The following WWC1 variants were observed in gnomAD, a reference collection of about 807,000 sequenced individuals.
WWC1 encodes the protein WW and C2 domain containing 1.
In WWC1, 55 loss-of-function variants were observed where a neutral mutation model predicts 138.4. The ratio of observed to expected loss-of-function variants is 0.40; its 90% CI spans 0.32 to 0.50. The LOEUF (loss-of-function observed/expected upper bound fraction) is 0.50, where lower values mean the gene tolerates loss of function less well. WWC1 is among the 20% of genes least tolerant of loss of function. The pLI is 0.72. For missense variants in WWC1, 1,226 were observed against 1,420.4 expected (o/e 0.86, Z 2.20); for synonymous variants, 524 against 564.9 (o/e 0.93, Z 1.03).
intron 1 of WWC1, among the ~76,000 whole-genome samples, chr5:168,347,471 G>T (rs554932485): frequency 6.6e-6 from 1 of 152,160 alleles, no homozygotes; most frequent in Non-Finnish European, 1.5e-5. Context: ...TGGACCTTTC[G>T]TTGAGATGCT....
In WWC1 at chr5:168,470,235, T is replaced by A. The variant is rs1757614865; in HGVS notation, c.*1218T>A. On this transcript the variant is annotated 3_prime_UTR_variant, in exon 23 of 23. Transcript: ENST00000265293. ...CTCCTTCCTCTCTGACATTACCCTG[T>A]GCAACTTTTCTCAAAGTCTGTTGCA... 1 of 152,234 alleles carries A rather than the reference T, an allele frequency of 6.6e-6. No homozygotes were observed. Among genetic ancestry groups the A allele is most frequent in the African/African-American group, 2.4e-5 (1 of 41,456 alleles). 9.4% of individuals were successfully genotyped at this position (152,234 alleles called of 1,614,324 possible).
At chr5:168,316,431 T>G (rs1030065690) in intron 1 of WWC1, among the ~76,000 whole-genome samples, 2 of 152,124 alleles carry the variant, frequency 1.3e-5, no homozygotes, top group African/African-American at 4.8e-5. Context: ...TCTGCATGTA[T>G]GTGAGGGCTG....
chr5:168,407,867 C>T (rs1779919174), intron 6 of WWC1, among the ~76,000 whole-genome samples: 1 of 150,966 alleles, frequency 6.6e-6, no homozygotes, highest in African/African-American at 2.5e-5. Context: ...ATTCTTCCCC[C>T]CTTTTTTTTT....
At chr5:168,352,541 C>G (rs972893627) in intron 1 of WWC1, among the ~76,000 whole-genome samples, 1 of 151,842 alleles carries the variant, frequency 6.6e-6, no homozygotes, top group African/African-American at 2.4e-5. Flanking sequence ...GACTTGACCT[C>G]TCCATGCCTT....
intron 8 of WWC1, among the ~76,000 whole-genome samples, chr5:168,410,777 T>C (rs1193193234): frequency 6.6e-6 from 1 of 152,122 alleles, no homozygotes; most frequent in African/African-American, 2.4e-5. Context: ...CATCTTCTCA[T>C]TTAATTTTAA....
At chr5:168,462,060 A>C (rs1415181230) in intron 20 of WWC1, among the ~76,000 whole-genome samples, 2 of 132,902 alleles carry the variant, frequency 1.5e-5, no homozygotes, top group African/African-American at 5.0e-5. Flanking sequence ...CATCTCAAAA[A>C]AAAAAAAGAA....
chr5:168,378,109 A>G (rs1041425841), intron 2 of WWC1, among the ~76,000 whole-genome samples: 1 of 152,206 alleles, frequency 6.6e-6, no homozygotes, highest in Non-Finnish European at 1.5e-5. Flanking sequence ...AAAAGAAAAA[A>G]TCATGTCCTT....
intron 17 of WWC1, among the ~76,000 whole-genome samples, chr5:168,445,125 C>T (rs1266820299): frequency 6.6e-6 from 1 of 151,558 alleles, no homozygotes; most frequent in African/African-American, 2.4e-5. Context: ...ACCAGCCTGA[C>T]CAACATGTTG....
At position 168,377,743 on chromosome 5, in the gene WWC1, C is replaced by T. The variant is rs371051609; in HGVS notation, c.229+6210C>T. Among the ~76,000 whole-genome samples the T allele has an allele frequency of 1.1e-4, 17 of 152,318 alleles. No homozygotes were observed. In the East Asian group the frequency reaches 2.7e-3, roughly 24 times the overall value. ...AACCACAGCGAGATACCATCTCACACCAGTCAGAATGGCTGTTATTAAAGA... is the reference window on the plus strand; with the variant it reads ...AACCACAGCGAGATACCATCTCACATCAGTCAGAATGGCTGTTATTAAAGA... On this transcript the variant is annotated intron_variant, in intron 2 of 22. Transcript: ENST00000265293.
intron 19 of WWC1, among the ~76,000 whole-genome samples, chr5:168,460,123 T>A (rs1239545880): frequency 3.3e-5 from 5 of 152,232 alleles, no homozygotes; most frequent in Non-Finnish European, 5.9e-5. Context: ...GCCTTTAAGC[T>A]GTCTTTTTCT....
At chr5:168,383,966 T>C (rs1005379230) in intron 2 of WWC1, among the ~76,000 whole-genome samples, 6 of 152,234 alleles carry the variant, frequency 3.9e-5, no homozygotes, top group Non-Finnish European at 7.3e-5. Flanking sequence ...TCCTAAAATA[T>C]CCTGCCACCT....
chr5:168,447,771 C>T (rs1755409341), intron 17 of WWC1, among the ~76,000 whole-genome samples: 2 of 150,632 alleles, frequency 1.3e-5, no homozygotes, highest in Non-Finnish European at 2.9e-5. Context: ...CTCTCTCTCC[C>T]CCTCCTTTTC....
intron 1 of WWC1, among the ~76,000 whole-genome samples, chr5:168,369,811 G>A (rs1776596832): frequency 6.6e-6 from 1 of 151,936 alleles, no homozygotes; most frequent in Admixed American, 6.6e-5. Context: ...GTTGGATTTG[G>A]AGTGAGTTTT....
At chr5:168,362,394 T>C (rs1335599021) in intron 1 of WWC1, among the ~76,000 whole-genome samples, 1 of 152,182 alleles carries the variant, frequency 6.6e-6, no homozygotes, top group Non-Finnish European at 1.5e-5. Context: ...GTCACACAGC[T>C]AGAAAATGAC....
At chr5:168,431,121 C>T (rs998365925) in intron 14 of WWC1, 131 bp from the exon 15 acceptor site, 2 of 793,630 alleles carry the variant, frequency 2.5e-6, no homozygotes, top group African/African-American at 1.7e-5. Flanking sequence ...GGCCTGATTC[C>T]CCAGATTCCT....
At chr5:168,317,691 C>A (rs531049799) in intron 1 of WWC1, among the ~76,000 whole-genome samples, 1 of 152,268 alleles carries the variant, frequency 6.6e-6, no homozygotes, top group Middle Eastern at 3.4e-3. Context: ...CCTCAGTATT[C>A]CCAGGATCCT....
rs1273062144 is a variant in WWC1 at position 168,464,758 on chromosome 5, G to A, written c.2946G>A (p.Glu982=). 6.2e-7 allele frequency: 1 copy of A among 1,614,068 alleles called. No homozygotes were observed. The highest frequency in any genetic ancestry group is 1.3e-5 in the African/African-American group (1 of 74,930). Residue 982 remains glutamate, a synonymous_variant, in exon 21 of 23, where the codon GAG becomes GAA. Transcript: ENST00000265293. The stretch of plus-strand genomic sequence containing the variant: ...CCTCGGTCAAGTCGCTGCGCTCCGA[G>A]CGTCTGATCCGTACCTCGCTGGACC... ...RPSSVKSLRS[E]RLIRTSLDLE...
intron 1 of WWC1, among the ~76,000 whole-genome samples, chr5:168,367,354 C>T (rs536023368): frequency 3.3e-5 from 5 of 152,034 alleles, no homozygotes; most frequent in South Asian, 4.2e-4. Flanking sequence ...TATTTTGAGA[C>T]GGAGTCTTGC....
intron 15 of WWC1, among the ~76,000 whole-genome samples, chr5:168,435,649 A>G (rs1782290457): frequency 6.6e-6 from 1 of 152,098 alleles, no homozygotes; most frequent in Non-Finnish European, 1.5e-5. Context: ...GGGCTCAGGC[A>G]GTCCTCCCGC....
Sources: allele counts gnomAD v4.1 joint callset (sites outside exome capture counted in the v4.1 genomes callset), GRCh38; gene constraint gnomAD v4.1.1; transcripts MANE v1.5; gene names NCBI Gene and HGNC (gene_info 2026-07-23, HGNC 2026-07-21).